Variants in DLG2 observed in about 807,000 individuals in gnomAD.
The protein encoded by DLG2 is disks large homolog 2.
A neutral mutation model predicts 132.5 loss-of-function variants in DLG2; 45 were observed. The observed-to-expected ratio is 0.34, with a 90% CI of 0.27 to 0.44. The LOEUF (loss-of-function observed/expected upper bound fraction) is 0.44. Ranked by LOEUF, DLG2 falls within the 20% of genes least tolerant of loss-of-function variation. DLG2 has a pLI of 1.00. For missense variants in DLG2, 1,045 were observed against 1,196.9 expected (o/e 0.87, Z 1.87); for synonymous variants, 424 against 419.6 (o/e 1.01, Z -0.13).
intron 8 of DLG2, among the ~76,000 whole-genome samples, chr11:84,216,623 A>G (rs2096839077): frequency 6.6e-6 from 1 of 152,192 alleles, no homozygotes; most frequent in South Asian, 2.1e-4. Context: ...AACGAAAAAG[A>G]GTAGGAAATA....
chr11:85,219,462 T>A (rs1517311), intron 4 of DLG2, among the ~76,000 whole-genome samples: 127,143 of 151,862 alleles, frequency 0.84, 53,692 homozygotes, highest in Non-Finnish European at 0.91. Context: ...GTGCCTAACA[T>A]ACTGCATGAT....
At chr11:85,160,795 C>A (rs1328026137) in intron 4 of DLG2, among the ~76,000 whole-genome samples, 1 of 152,144 alleles carries the variant, frequency 6.6e-6, no homozygotes, top group African/African-American at 2.4e-5. Context: ...GAGGAAAAGA[C>A]TAGGGCCTGG....
chr11:83,691,476 C>T (rs149651319), intron 18 of DLG2, among the ~76,000 whole-genome samples: 1 of 152,120 alleles, frequency 6.6e-6, no homozygotes, highest in African/African-American at 2.4e-5. Context: ...TTGGCCCCTG[C>T]GTATGAGGCT....
intron 6 of DLG2, among the ~76,000 whole-genome samples, chr11:84,949,318 T>TCACAGGAC (rs1290824075): frequency 6.9e-4 from 105 of 152,092 alleles, no homozygotes; most frequent in African/African-American, 2.0e-3. Context: ...CAGGGCGAGA[T>TCACAGGAC]CACAGGACCA....
intron 3 of DLG2, among the ~76,000 whole-genome samples, chr11:85,412,753 A>ACACC (rs1340144301): frequency 7.9e-6 from 1 of 126,416 alleles, no homozygotes; most frequent in African/African-American, 3.3e-5. Context: ...ACACACACAC[A>ACACC]CACACACATA....
intron 4 of DLG2, among the ~76,000 whole-genome samples, chr11:85,159,900 A>G (rs2077894051): frequency 6.6e-6 from 1 of 152,210 alleles, no homozygotes; most frequent in Non-Finnish European, 1.5e-5. Context: ...GGCCCATTAC[A>G]TTGATGACAT....
At chr11:85,110,480 T>G (rs1284424137) in intron 6 of DLG2, among the ~76,000 whole-genome samples, 1 of 151,994 alleles carries the variant, frequency 6.6e-6, no homozygotes, top group Non-Finnish European at 1.5e-5. Flanking sequence ...AAGTAGTCCC[T>G]AAGCATGCAC....
chr11:84,423,103 T>C lies in DLG2; in HGVS notation c.519+111467A>G, dbSNP rs187486836. On this transcript the variant is annotated intron_variant, in intron 7 of 27. Coordinates refer to ENST00000376104, the MANE Select transcript of DLG2 (RefSeq NM_001142699.3). ...AGGTCAAATGGGGAAGGTCTGAACATTTTTTCATTAATGTTAATATTCAGA... is the reference window on the plus strand; with the variant it reads ...AGGTCAAATGGGGAAGGTCTGAACACTTTTTCATTAATGTTAATATTCAGA... 4.6e-5 allele frequency among the ~76,000 whole-genome samples: 7 copies of C among 152,248 alleles called. No individual in the cohort carries two copies. In the East Asian group the frequency reaches 1.4e-3, roughly 29 times the overall value.
intron 6 of DLG2, among the ~76,000 whole-genome samples, chr11:84,767,105 C>G (rs559895582): frequency 3.4e-4 from 52 of 152,114 alleles, no homozygotes; most frequent in South Asian, 1.2e-3. Flanking sequence ...TAATAGTACC[C>G]ACCTCTCAGA....
intron 19 of DLG2, among the ~76,000 whole-genome samples, chr11:83,614,243 G>A (rs1283745213): frequency 6.6e-6 from 1 of 152,078 alleles, no homozygotes; most frequent in Non-Finnish European, 1.5e-5. Flanking sequence ...TGTATTCCTT[G>A]GACATGTCTA....
At chr11:83,859,102 A>G (rs1299009337) in intron 16 of DLG2, among the ~76,000 whole-genome samples, 1 of 152,212 alleles carries the variant, frequency 6.6e-6, no homozygotes, top group African/African-American at 2.4e-5. Flanking sequence ...AAATCCATTA[A>G]AACTCTTTTT....
intron 6 of DLG2, among the ~76,000 whole-genome samples, chr11:84,608,617 G>C (rs1314630106): frequency 1.3e-5 from 2 of 152,136 alleles, no homozygotes; most frequent in Non-Finnish European, 2.9e-5. Flanking sequence ...AGAAATATAA[G>C]ATACTATGAA....
rs186437480 is a variant in DLG2 at position 85,623,329 on chromosome 11, G to C, written c.-93+3258C>G. ...AGGACAATTTTTTTTTTTTTGAGAC[G>C]AAGTCTCTCTCTGTCGCCAAGTTGG... On this transcript the variant is annotated intron_variant, in intron 2 of 27. Coordinates refer to ENST00000376104, the MANE Select transcript of DLG2 (RefSeq NM_001142699.3). Among the ~76,000 whole-genome samples, 784 of 150,380 alleles carry C rather than the reference G, an allele frequency of 5.2e-3. 7 individuals carry two copies. Among genetic ancestry groups the C allele is most frequent in the African/African-American group, 0.018 (727 of 40,998 alleles).
intron 19 of DLG2, among the ~76,000 whole-genome samples, chr11:83,594,553 T>C (rs746891170): frequency 3.3e-5 from 5 of 152,240 alleles, no homozygotes; most frequent in African/African-American, 7.2e-5. Flanking sequence ...AGAGGCTGTA[T>C]TGTCGTACAT....
chr11:84,984,741 A>G (rs2056254020), intron 6 of DLG2, among the ~76,000 whole-genome samples: 1 of 152,190 alleles, frequency 6.6e-6, no homozygotes, highest in African/African-American at 2.4e-5. Context: ...CCTTCAAGAG[A>G]CACACCTAAC....
intron 2 of DLG2, among the ~76,000 whole-genome samples, chr11:85,602,557 G>C (rs2080242754): frequency 6.6e-6 from 1 of 151,930 alleles, no homozygotes; most frequent in African/African-American, 2.4e-5. Flanking sequence ...TTTGAATTCT[G>C]ATTTTTTTGT....
chr11:85,383,211 G>C (rs1392590580), intron 3 of DLG2, among the ~76,000 whole-genome samples: 1 of 152,098 alleles, frequency 6.6e-6, no homozygotes, highest in East Asian at 1.9e-4. Context: ...TTAAGTGAGA[G>C]AAGCCAGTCA....
At chr11:84,977,274 AT>A (rs1445994958) in intron 6 of DLG2, among the ~76,000 whole-genome samples, 1 of 151,988 alleles carries the variant, frequency 6.6e-6, no homozygotes, top group African/African-American at 2.4e-5. Flanking sequence ...TTCTCTTTCT[AT>A]CTCTTTTTCT....
chr11:84,746,782 A>G (rs949087141), intron 6 of DLG2, among the ~76,000 whole-genome samples: 10 of 152,172 alleles, frequency 6.6e-5, no homozygotes, highest in African/African-American at 2.4e-4. Flanking sequence ...TCATTATTCT[A>G]AAGAGTTCGG....
Sources: gnomAD v4.1 joint callset for allele counts (sites outside exome capture counted in the v4.1 genomes callset) on GRCh38, gnomAD v4.1.1 for gene constraint, MANE v1.5 for transcripts, NCBI Gene and HGNC (gene_info 2026-07-23, HGNC 2026-07-21) for gene names.